The following PLCB1 variants were observed in gnomAD, a reference collection of about 807,000 sequenced individuals.
PLCB1 encodes the protein phospholipase C beta 1, also known as 1-phosphatidylinositol 4,5-bisphosphate phosphodiesterase beta-1.
A neutral mutation model predicts 161.8 loss-of-function variants in PLCB1; 46 were observed. That is an observed-to-expected ratio of 0.28 (90% CI 0.22 to 0.36). The LOEUF (loss-of-function observed/expected upper bound fraction) is 0.36, where lower values mean the gene tolerates loss of function less well. Ranked by LOEUF, PLCB1 falls within the 10% of genes least tolerant of loss-of-function variation. The pLI is 1.00. For synonymous variants in PLCB1, 517 were observed against 503.7 expected (o/e 1.03, Z -0.35); for missense variants, 1,016 against 1,472.5 (o/e 0.69, Z 5.07).
chr20:8,221,611 A>G (rs1240955036), intron 2 of PLCB1, among the ~76,000 whole-genome samples: 5 of 152,140 alleles, frequency 3.3e-5, no homozygotes, highest in African/African-American at 9.7e-5. Context: ...TCTCTCACAC[A>G]CTATCACTAT....
At chr20:8,183,417 T>C (rs2051868181) in intron 2 of PLCB1, among the ~76,000 whole-genome samples, 2 of 152,252 alleles carry the variant, frequency 1.3e-5, no homozygotes, top group South Asian at 4.1e-4. Context: ...TGCTCTGTAA[T>C]AATGTACTAC....
At chr20:8,553,535 C>T (rs1985840681) in intron 3 of PLCB1, among the ~76,000 whole-genome samples, 1 of 152,032 alleles carries the variant, frequency 6.6e-6, no homozygotes, top group Admixed American at 6.6e-5. Flanking sequence ...TTGTATGTTC[C>T]TGTTGCTCGT....
chr20:8,583,646 G>A (rs561684663), intron 3 of PLCB1, among the ~76,000 whole-genome samples: 2 of 152,266 alleles, frequency 1.3e-5, no homozygotes, highest in African/African-American at 2.4e-5. Context: ...ATATCATTAC[G>A]TAATTCTCCC....
chr20:8,139,386 G>A (rs891390305), intron 1 of PLCB1, among the ~76,000 whole-genome samples: 5 of 151,978 alleles, frequency 3.3e-5, no homozygotes, highest in Admixed American at 1.3e-4. Context: ...GTGAGCCACC[G>A]CACCCGGCCT....
chr20:8,705,505 G>A (rs977097425), intron 11 of PLCB1, among the ~76,000 whole-genome samples: 2 of 152,152 alleles, frequency 1.3e-5, no homozygotes, highest in African/African-American at 4.8e-5. Flanking sequence ...CAAAGATACG[G>A]TACATAGAAA....
intron 3 of PLCB1, among the ~76,000 whole-genome samples, chr20:8,415,954 G>A (rs1354147526): frequency 1.3e-5 from 2 of 152,188 alleles, no homozygotes; most frequent in Admixed American, 6.5e-5. Context: ...TGATCCCAGA[G>A]GTTATTCCCT....
intron 1 of PLCB1, among the ~76,000 whole-genome samples, chr20:8,139,380 G>A (rs1195517283): frequency 6.6e-6 from 1 of 152,086 alleles, no homozygotes; most frequent in African/African-American, 2.4e-5. Flanking sequence ...ACAGGTGTGA[G>A]CCACCGCACC....
chr20:8,781,397 AACAC>A (rs765968512), intron 27 of PLCB1, among the ~76,000 whole-genome samples: 2 of 149,540 alleles, frequency 1.3e-5, no homozygotes, highest in South Asian at 2.1e-4. Flanking sequence ...CACACACACA[AACAC>A]ACACACACAC....
At chr20:8,517,997 C>T (rs1027604550) in intron 3 of PLCB1, among the ~76,000 whole-genome samples, 2 of 152,054 alleles carry the variant, frequency 1.3e-5, no homozygotes, top group Non-Finnish European at 2.9e-5. Context: ...TCCTGGCCAA[C>T]ATGGTGAAAC....
intron 2 of PLCB1, among the ~76,000 whole-genome samples, chr20:8,179,958 G>T (rs2423348): frequency 7.1e-6 from 1 of 140,552 alleles, no homozygotes; most frequent in East Asian, 2.2e-4. Flanking sequence ...TCCCGGGTTC[G>T]CACCATTCTC....
At chr20:8,133,056 A>G (rs1446377729) in intron 1 of PLCB1, among the ~76,000 whole-genome samples, 1 of 152,086 alleles carries the variant, frequency 6.6e-6, no homozygotes, top group Non-Finnish European at 1.5e-5. Context: ...ACAGGTCCTG[A>G]GAGTTCGGAA....
intron 2 of PLCB1, among the ~76,000 whole-genome samples, chr20:8,273,869 A>G (rs1234947670): frequency 7.2e-5 from 11 of 152,208 alleles, no homozygotes; most frequent in Non-Finnish European, 1.3e-4. Context: ...CCTCTTCCAT[A>G]TAAAGTGTAC....
chr20:8,163,360 AG>A lies in PLCB1; in HGVS notation c.177+12990del, dbSNP rs1374362432. Among the ~76,000 whole-genome samples, 14 of 152,294 alleles carry A rather than the reference AG, an allele frequency of 9.2e-5. No individual in the cohort carries two copies. The South Asian group carries it at 2.7e-3, about 29-fold the overall frequency. ...CAGCTCTTCTGCCAGCCTCTCCTGGAGACTGAGGGGCTTCCAGGCCAGTGGG... is the reference window on the plus strand; with the variant it reads ...CAGCTCTTCTGCCAGCCTCTCCTGGAACTGAGGGGCTTCCAGGCCAGTGGG... On this transcript the variant is annotated intron_variant, in intron 2 of 31. Coordinates refer to ENST00000338037, the MANE Select transcript of PLCB1 (RefSeq NM_015192.4).
At position 8,757,082 on chromosome 20, in the gene PLCB1, G is replaced by A. The variant is rs1227346164; in HGVS notation, c.2560G>A (p.Glu854Lys). ...AGAAACACCATCAGAGGCTCCAAGTGAAGCGAGAACGACTCCAGCAGAAAA... is the reference window on the plus strand; with the variant it reads ...AGAAACACCATCAGAGGCTCCAAGTAAAGCGAGAACGACTCCAGCAGAAAA... ...PGETPSEAPS[E>K]ARTTPAENGV... is the part of the protein sequence containing the mutation. Residue 854 changes from glutamate (E) to lysine (K), a missense_variant, in exon 24 of 32, where the codon GAA becomes AAA. By Grantham distance (56) the Glu-to-Lys change is moderately conservative. Coordinates refer to ENST00000338037, the MANE Select transcript of PLCB1 (RefSeq NM_015192.4). 6.2e-7 allele frequency: 1 copy of A among 1,612,652 alleles called. No homozygotes were observed. The highest frequency in any genetic ancestry group is 1.7e-5 in the Admixed American group (1 of 59,962).
chr20:8,868,352 T>C (rs916695673), intron 31 of PLCB1, among the ~76,000 whole-genome samples: 4 of 149,920 alleles, frequency 2.7e-5, no homozygotes, highest in African/African-American at 9.7e-5. Context: ...AAAACCGTAT[T>C]GTATTATGAA....
chr20:8,752,427 C>G (rs186253801), intron 23 of PLCB1: 7 of 152,186 alleles, frequency 4.6e-5, no homozygotes, highest in Non-Finnish European at 8.8e-5. Flanking sequence ...TTGTATATAA[C>G]AGTGTCTAAC....
At chr20:8,869,116 C>T (rs1292012430) in intron 31 of PLCB1, among the ~76,000 whole-genome samples, 1 of 152,150 alleles carries the variant, frequency 6.6e-6, no homozygotes, top group East Asian at 1.9e-4. Flanking sequence ...TCTTCAAAGA[C>T]TTAGAACATC....
At chr20:8,544,959 G>A (rs1042219057) in intron 3 of PLCB1, among the ~76,000 whole-genome samples, 1 of 152,092 alleles carries the variant, frequency 6.6e-6, no homozygotes, top group Admixed American at 6.5e-5. Flanking sequence ...ATTTTTTTGA[G>A]CATCTGCTAC....
chr20:8,345,043 A>G (rs1208038402), intron 2 of PLCB1, among the ~76,000 whole-genome samples: 2 of 152,174 alleles, frequency 1.3e-5, no homozygotes, highest in African/African-American at 4.8e-5. Flanking sequence ...GTTTTAGTAC[A>G]TTTGGTACAA....
Sources: gnomAD v4.1 joint callset for allele counts (sites outside exome capture counted in the v4.1 genomes callset) on GRCh38, gnomAD v4.1.1 for gene constraint, MANE v1.5 for transcripts, NCBI Gene and HGNC (gene_info 2026-07-23, HGNC 2026-07-21) for gene names.